Variants in EPHA7 observed in about 807,000 individuals in gnomAD.
The protein encoded by EPHA7 is ephrin type-A receptor 7.
Under a neutral mutation model 112.6 loss-of-function variants are expected in EPHA7, and 25 were observed. That is an observed-to-expected ratio of 0.22 (90% CI 0.16 to 0.31). The LOEUF is 0.31. Among genes scored for constraint, EPHA7 ranks in the 10% least tolerant of loss-of-function variants. EPHA7 has a pLI of 1.00. For missense variants in EPHA7, 962 were observed against 1,212.6 expected (o/e 0.79, Z 3.07); for synonymous variants, 437 against 406.5 (o/e 1.07, Z -0.90).
At chr6:93,358,137 T>A in intron 4 of EPHA7, 119 bp downstream of exon 4, 1 of 719,528 alleles carries the variant, frequency 1.4e-6, no homozygotes, top group Non-Finnish European at 1.9e-6. Flanking sequence ...TAAAATAATT[T>A]TAATATTTAA....
At chr6:93,254,602 A>C (rs933073116) in intron 14 of EPHA7, 45 bp downstream of exon 14, 3 of 1,543,658 alleles carry the variant, frequency 1.9e-6, no homozygotes, top group Non-Finnish European at 2.7e-6. Context: ...AATACTGGCC[A>C]TTAATGTATT....
chr6:93,287,077 G>A (rs1167184064), intron 5 of EPHA7, among the ~76,000 whole-genome samples: 2 of 152,118 alleles, frequency 1.3e-5, no homozygotes, highest in East Asian at 1.9e-4. Context: ...TTGGCACTTA[G>A]TATATGCTAA....
intron 5 of EPHA7, among the ~76,000 whole-genome samples, chr6:93,329,801 A>T (rs164558): frequency 0.62 from 93,310 of 150,822 alleles, 29,134 homozygotes; most frequent in African/African-American, 0.72. Flanking sequence ...TGAAAACAAG[A>T]CTCTTGCTTC....
At chr6:93,403,661 TAAAAA>T (rs59162017) in intron 3 of EPHA7, among the ~76,000 whole-genome samples, 5 of 128,684 alleles carry the variant, frequency 3.9e-5, no homozygotes, top group African/African-American at 1.5e-4. Flanking sequence ...ACTCATCTCT[TAAAAA>T]AAAAAAAAAA....
chr6:93,288,313 G>C (rs1433897232), intron 5 of EPHA7, among the ~76,000 whole-genome samples: 1 of 152,076 alleles, frequency 6.6e-6, no homozygotes, highest in Non-Finnish European at 1.5e-5. Flanking sequence ...AAAGAAGCCA[G>C]ACGACATTGT....
intron 5 of EPHA7, among the ~76,000 whole-genome samples, chr6:93,277,000 C>A (rs1178681248): frequency 1.3e-5 from 2 of 151,842 alleles, no homozygotes; most frequent in South Asian, 2.1e-4. Flanking sequence ...GTTTTTAAAT[C>A]CACTGAAATT....
chr6:93,260,686 T>C, intron 9 of EPHA7: 1 of 977,996 alleles, frequency 1.0e-6, no homozygotes, highest in Non-Finnish European at 1.2e-6. Context: ...TCTTGATTTA[T>C]TCTGCTGTAG....
intron 4 of EPHA7, 140 bp downstream of exon 4, chr6:93,358,116 T>TC: frequency 1.7e-6 from 1 of 598,978 alleles, no homozygotes; most frequent in Non-Finnish European, 2.3e-6. Flanking sequence ...GAAAATTTTA[T>TC]CTTAATATTT....
At chr6:93,358,544 C>A (rs976157754) in intron 3 of EPHA7, 133 bp from the exon 4 acceptor site, 9 of 712,048 alleles carry the variant, frequency 1.3e-5, no homozygotes, top group South Asian at 8.1e-5. Flanking sequence ...ATAAAATATT[C>A]ATTTTAGGGT....
chr6:93,385,169 C>G (rs974874394), intron 3 of EPHA7, among the ~76,000 whole-genome samples: 57 of 151,978 alleles, frequency 3.8e-4, no homozygotes, highest in Admixed American at 1.6e-3. Flanking sequence ...GCATGTTGTT[C>G]TATAAATGAA....
chr6:93,382,705 A>G (rs1364867879), intron 3 of EPHA7, among the ~76,000 whole-genome samples: 2 of 152,074 alleles, frequency 1.3e-5, no homozygotes, highest in African/African-American at 2.4e-5. Flanking sequence ...AAGCGATACA[A>G]TGAGATCCTA....
At chr6:93,339,916 TTATC>T (rs1406596694) in intron 5 of EPHA7, among the ~76,000 whole-genome samples, 1 of 151,736 alleles carries the variant, frequency 6.6e-6, no homozygotes, top group Admixed American at 6.6e-5. Context: ...ATCTCTCCCT[TTATC>T]TATATAAGTC....
intron 3 of EPHA7, among the ~76,000 whole-genome samples, chr6:93,391,915 T>C (rs1314237159): frequency 2.6e-5 from 4 of 151,924 alleles, no homozygotes; most frequent in Non-Finnish European, 5.9e-5. Flanking sequence ...CTCTGAGTTG[T>C]AGTTGGTTTT....
chr6:93,258,391 G>A, intron 10 of EPHA7, 107 bp from the exon 11 acceptor site: 2 of 1,164,616 alleles, frequency 1.7e-6, no homozygotes, highest in South Asian at 3.6e-5. Context: ...TAAATTATTT[G>A]AAAGCATTTT....
Position 93,360,076 on chromosome 6 carries a change from T to C in EPHA7, c.833-1665A>G, listed in dbSNP as rs532216881. ...TACAAAAACATTAAGCAAAGATGCA[T>C]AATGCATCTTCACTTGTTTTCAATA... On this transcript the variant is annotated intron_variant, in intron 3 of 16. Transcript: ENST00000369303. Among the ~76,000 whole-genome samples the C allele has an allele frequency of 6.6e-5, 10 of 152,240 alleles. No homozygotes were observed. The East Asian group carries it at 1.9e-3, about 29-fold the overall frequency.
Position 93,419,499 on chromosome 6 carries a change from T to TC in EPHA7, c.-159dup, listed in dbSNP as rs992578630. 3.2e-5 allele frequency: 19 copies of TC among 585,112 alleles called. No individual in the cohort carries two copies. Among genetic ancestry groups the TC allele is most frequent in the East Asian group, 6.2e-5 (2 of 32,122 alleles). 36.2% of individuals were successfully genotyped at this position (585,112 alleles called of 1,614,324 possible). On this transcript the variant is annotated 5_prime_UTR_variant, in exon 1 of 17. Transcript: ENST00000369303. Reference sequence around the variant, plus strand: ...GCTCCACGTTTAGCTTTTTTTAATTTCCCCCCCACTCCTGTTCGCTCGCAC... The same window carrying TC: ...GCTCCACGTTTAGCTTTTTTTAATTTCCCCCCCCACTCCTGTTCGCTCGCAC...
chr6:93,403,939 T>C (rs9294571), intron 3 of EPHA7, among the ~76,000 whole-genome samples: 18,472 of 152,084 alleles, frequency 0.12, 1,184 homozygotes, highest in East Asian at 0.21. Flanking sequence ...TTAATTTTTT[T>C]CTTTTTAGTT....
intron 11 of EPHA7, 47 bp downstream of exon 11, chr6:93,258,052 C>A: frequency 6.6e-7 from 1 of 1,525,074 alleles, no homozygotes; most frequent in East Asian, 2.3e-5. Flanking sequence ...ATACTAATTT[C>A]TGACACTCAG....
chr6:93,312,923 A>G (rs183165587), intron 5 of EPHA7, among the ~76,000 whole-genome samples: 1 of 152,194 alleles, frequency 6.6e-6, no homozygotes, highest in African/African-American at 2.4e-5. Flanking sequence ...TTGGTGGAGC[A>G]GTTGGAACAC....
Sources: allele counts gnomAD v4.1 joint callset (sites outside exome capture counted in the v4.1 genomes callset), GRCh38; gene constraint gnomAD v4.1.1; transcripts MANE v1.5; gene names NCBI Gene and HGNC (gene_info 2026-07-23, HGNC 2026-07-21).